Variants in PNPT1 observed in about 807,000 individuals in gnomAD.
The protein encoded by PNPT1 is polyribonucleotide nucleotidyltransferase 1.
PNPT1 carries 53 observed loss-of-function variants against 119.5 expected under a neutral mutation model. The ratio of observed to expected loss-of-function variants is 0.44; its 90% CI spans 0.36 to 0.56. The LOEUF (loss-of-function observed/expected upper bound fraction) is 0.56, where lower values mean the gene tolerates loss of function less well. Ranked by LOEUF, PNPT1 falls within the 20% of genes least tolerant of loss-of-function variation. The pLI is 0.00. For synonymous variants in PNPT1, 357 were observed against 322.1 expected (o/e 1.11, Z -1.16); for missense variants, 948 against 938.5 (o/e 1.01, Z -0.13).
chr2:55,669,522 A>G (rs1182714917), intron 11 of PNPT1, among the ~76,000 whole-genome samples: 2 of 152,186 alleles, frequency 1.3e-5, no homozygotes, highest in East Asian at 1.9e-4. Flanking sequence ...TGCTTAACTG[A>G]GTTGTACTTG....
At chr2:55,683,951 C>A in intron 4 of PNPT1, 117 bp from the exon 5 acceptor site, 1 of 910,218 alleles carries the variant, frequency 1.1e-6, no homozygotes, top group South Asian at 1.6e-5. Context: ...TCCCCTTGGA[C>A]TGATTTACTA....
At chr2:55,683,760 C>T in intron 5 of PNPT1, 25 bp downstream of exon 5, 1 of 1,593,538 alleles carries the variant, frequency 6.3e-7, no homozygotes, top group Non-Finnish European at 8.6e-7. Context: ...GATCTGGCAA[C>T]TAAAAAACCT....
intron 8 of PNPT1, among the ~76,000 whole-genome samples, chr2:55,679,423 A>G (rs1033122611): frequency 1.7e-4 from 26 of 152,182 alleles, no homozygotes; most frequent in Non-Finnish European, 4.4e-5. Flanking sequence ...TAATTTTAAT[A>G]ATTAAAATTT....
chr2:55,686,596 C>G (rs1697412486), intron 2 of PNPT1, 152 bp from the exon 3 acceptor site: 1 of 606,776 alleles, frequency 1.6e-6, no homozygotes, highest in African/African-American at 1.9e-5. Flanking sequence ...CACAAGTAGT[C>G]CAATCTTGAT....
Position 55,647,456 on chromosome 2 carries a change from A to G in PNPT1, c.1496-3T>C. ...AACAGCAGATGAAATTGGAACCCCT[A>G]TAATTGGGAAAAAGAACAACTGTGG... On this transcript the variant is annotated splice_polypyrimidine_tract_variant and splice_region_variant and intron_variant, in intron 18 of 27. Coordinates refer to ENST00000447944, the MANE Select transcript of PNPT1 (RefSeq NM_033109.5). 6.2e-7 allele frequency: 1 copy of G among 1,600,104 alleles called. No homozygotes were observed. The highest frequency in any genetic ancestry group is 1.1e-5 in the South Asian group (1 of 88,934).
intron 18 of PNPT1, among the ~76,000 whole-genome samples, chr2:55,654,645 T>A (rs1270930126): frequency 6.6e-6 from 1 of 152,230 alleles, no homozygotes; most frequent in Non-Finnish European, 1.5e-5. Flanking sequence ...TGGCTTGATT[T>A]GGCCATCTGT....
rs1022481730 is a variant in PNPT1, at chr2:55,656,986, A to G, written c.1285-615T>C. ...TTGGTGGATATGTTACCTTGAAGGA[A>G]TATGAATTAGTTGTGATCATTTGAC... On this transcript the variant is annotated intron_variant, in intron 15 of 27. Transcript: ENST00000447944. 3.9e-5 allele frequency among the ~76,000 whole-genome samples: 6 copies of G among 152,212 alleles called. No homozygotes were observed. The South Asian group carries it at 1.2e-3, about 32-fold the overall frequency.
chr2:55,671,449 A>T (rs1231020858), intron 10 of PNPT1, 73 bp from the exon 11 acceptor site: 1 of 868,338 alleles, frequency 1.2e-6, no homozygotes, highest in Non-Finnish European at 1.7e-6. Context: ...TAATTATTAT[A>T]CAATGAACAC....
intron 1 of PNPT1, among the ~76,000 whole-genome samples, chr2:55,689,638 C>T (rs1697527062): frequency 6.6e-6 from 1 of 152,112 alleles, no homozygotes; most frequent in South Asian, 2.1e-4. Context: ...AAGAAATATT[C>T]ATAATAGGCA....
rs745836305 is a variant in PNPT1 at position 55,671,289 on chromosome 2, AAAAATAAAAT to A, written c.976+20_976+29del. ...GCCTTATTAAAGCTGCCCTCAGCAA[AAAAATAAAAT>A]AAAATAAAATAAAATTTACCTTTTA... On this transcript the variant is annotated intron_variant, in intron 11 of 27. Transcript: ENST00000447944. 1 of 1,349,562 alleles carries A rather than the reference AAAAATAAAAT, an allele frequency of 7.4e-7. No individual in the cohort carries two copies. The highest frequency in any genetic ancestry group is 1.5e-5 in the South Asian group (1 of 68,080). The allele number at this position is 1,349,562 out of a possible 1,614,324, so 83.6% of individuals were successfully genotyped here.
At chr2:55,686,940 C>T (rs533345602) in intron 2 of PNPT1, among the ~76,000 whole-genome samples, 2 of 152,112 alleles carry the variant, frequency 1.3e-5, no homozygotes, top group African/African-American at 2.4e-5. Flanking sequence ...CCAGGCCAGG[C>T]GCGGTGGCTC....
chr2:55,692,283 T>G (rs546203180), intron 1 of PNPT1, among the ~76,000 whole-genome samples: 111 of 152,234 alleles, frequency 7.3e-4, no homozygotes, highest in African/African-American at 2.6e-3. Context: ...ATAGAAAAGT[T>G]TGCAGACCCT....
chr2:55,651,485 G>C (rs1441789645), intron 18 of PNPT1, among the ~76,000 whole-genome samples: 5 of 152,062 alleles, frequency 3.3e-5, no homozygotes, highest in Admixed American at 6.5e-5. Context: ...CCCCAACCCT[G>C]TGCTCTCTGA....
chr2:55,641,834 GAC>G (rs934266930), intron 25 of PNPT1, among the ~76,000 whole-genome samples: 1 of 150,416 alleles, frequency 6.6e-6, no homozygotes, highest in African/African-American at 2.4e-5. Flanking sequence ...AATGCTTTGA[GAC>G]TGAAATTGGC....
chr2:55,683,796 A>G lies in PNPT1; in HGVS notation c.442T>C (p.Tyr148His). 6.2e-7 allele frequency: 1 copy of G among 1,613,556 alleles called. No homozygotes were observed. Among genetic ancestry groups the G allele is most frequent in the African/African-American group, 1.3e-5 (1 of 75,016 alleles). Residue 148 changes from tyrosine to histidine, a missense_variant, in exon 5 of 28, where the codon TAT (tyrosine) becomes CAT (histidine). By Grantham distance (83) the Tyr-to-His change is moderately conservative. Transcript: ENST00000447944. The stretch of plus-strand genomic sequence containing the variant: ...AAAGCAGAATCTACCTGTGTATCAT[A>G]GAAGTAGCCAGCTGGAAAGAGCGGT... ...IRPLFPAGYFYDTQVLCNLLA... is the reference protein window; with the variant it reads ...IRPLFPAGYFHDTQVLCNLLA...
chr2:55,678,892 T>G (rs541730617), intron 8 of PNPT1, among the ~76,000 whole-genome samples: 1 of 152,346 alleles, frequency 6.6e-6, no homozygotes, highest in Admixed American at 6.5e-5. Flanking sequence ...ATATTACTTG[T>G]ACAAAAAAGC....
At chr2:55,660,069 A>G (rs1187128021) in intron 15 of PNPT1, 88 bp downstream of exon 15, 8 of 1,331,524 alleles carry the variant, frequency 6.0e-6, no homozygotes, top group Non-Finnish European at 8.1e-6. Flanking sequence ...GCACCACTCC[A>G]CTCCAGCCTG....
chr2:55,672,633 G>A (rs1205243833), intron 9 of PNPT1, among the ~76,000 whole-genome samples: 4 of 151,990 alleles, frequency 2.6e-5, no homozygotes, highest in South Asian at 2.1e-4. Flanking sequence ...TTTCCTAGAC[G>A]TGGAGAGATG....
intron 18 of PNPT1, among the ~76,000 whole-genome samples, chr2:55,653,047 T>C (rs782566): frequency 0.45 from 68,454 of 151,972 alleles, 16,333 homozygotes; most frequent in Non-Finnish European, 0.53. Context: ...GGGGTTTCAC[T>C]ATGTTGGCCA....
Sources: allele counts gnomAD v4.1 joint callset (sites outside exome capture counted in the v4.1 genomes callset), GRCh38; gene constraint gnomAD v4.1.1; transcripts MANE v1.5; gene names NCBI Gene and HGNC (gene_info 2026-07-23, HGNC 2026-07-21).